CLIP2: variants seen among roughly 807,000 people sequenced by gnomAD.
CLIP2 encodes the protein CAP-Gly domain containing linker protein 2, also known as CAP-Gly domain-containing linker protein 2.
In CLIP2, 41 loss-of-function variants were observed where a neutral mutation model predicts 111.7. The observed-to-expected ratio is 0.37, with a 90% confidence interval of 0.29 to 0.48. CLIP2 has a LOEUF of 0.48. Ranked by LOEUF, CLIP2 falls within the 20% of genes least tolerant of loss-of-function variation. The probability of loss-of-function intolerance (pLI) is 0.99; values close to 1 mark genes in which losing one functional copy is unlikely to be tolerated. For synonymous variants in CLIP2, 660 were observed against 644.2 expected (o/e 1.02, Z -0.37); for missense variants, 1,160 against 1,422.1 (o/e 0.82, Z 2.96).
intron 10 of CLIP2, among the ~76,000 whole-genome samples, chr7:74,379,108 C>T (rs1030788534): frequency 1.3e-5 from 2 of 152,136 alleles, no homozygotes; most frequent in Non-Finnish European, 2.9e-5. Flanking sequence ...AGGATGCCTC[C>T]CCCAGTCCCT....
At chr7:74,362,976 A>G (rs1317813749) in intron 7 of CLIP2, among the ~76,000 whole-genome samples, 8 of 150,470 alleles carry the variant, frequency 5.3e-5, no homozygotes, top group Non-Finnish European at 1.0e-4. Flanking sequence ...GAGAGCTGTT[A>G]GGAGGCCCTA....
At position 74,353,875 on chromosome 7, in the gene CLIP2, G is replaced by A. The variant is rs781909058; in HGVS notation, c.679-5G>A. The A allele has an allele frequency of 4.8e-5, 77 of 1,614,022 alleles. No homozygotes were observed. Among genetic ancestry groups the A allele is most frequent in the Non-Finnish European group, 6.4e-5 (76 of 1,180,010 alleles). ...CTAGACCTGAGTCTCCCTGTGTGCC[G>A]ACAGGTTGGCGGGACGAAGACTGGC... On this transcript the variant is annotated splice_polypyrimidine_tract_variant and splice_region_variant and intron_variant, in intron 3 of 16. Coordinates refer to ENST00000223398, the MANE Select transcript of CLIP2 (RefSeq NM_003388.5).
intron 2 of CLIP2, among the ~76,000 whole-genome samples, chr7:74,327,470 C>A (rs1554730785): frequency 6.6e-6 from 1 of 152,204 alleles, no homozygotes; most frequent in East Asian, 1.9e-4. Context: ...ACCTTGGCAC[C>A]AACCTGAAGT....
chr7:74,400,316 C>T, intron 14 of CLIP2, 54 bp from the exon 15 acceptor site: 1 of 1,448,928 alleles, frequency 6.9e-7, no homozygotes, highest in Non-Finnish European at 9.4e-7. Context: ...TTGAGACGCC[C>T]ACCAACACAC....
chr7:74,388,068 G>A (rs1346017788), intron 12 of CLIP2, among the ~76,000 whole-genome samples: 1 of 152,012 alleles, frequency 6.6e-6, no homozygotes, highest in East Asian at 1.9e-4. Context: ...GGTGGCTCAT[G>A]CCTGTAATCC....
At position 74,317,554 on chromosome 7, in the gene CLIP2, A is replaced by G; in HGVS notation, c.8A>G (p.Lys3Arg). 6.9e-7 allele frequency: 1 copy of G among 1,439,356 alleles called. No individual in the cohort carries two copies. The highest frequency in any genetic ancestry group is 9.2e-7 in the Non-Finnish European group (1 of 1,088,142). 89.2% of individuals were successfully genotyped at this position (1,439,356 alleles called of 1,614,324 possible). Reference protein sequence around the residue: MQKPSGLKPPGRG... With the variant: MQRPSGLKPPGRG... The stretch of plus-strand genomic sequence containing the variant: ...CTGCCCAGTGGCACCGCCATGCAGA[A>G]GCCCAGCGGCCTGAAGCCCCCCGGC... The change falls in exon 2 of 17, where the codon AAG becomes AGG. Residue 3 changes from lysine (K) to arginine (R), a missense_variant. Coordinates refer to ENST00000223398, the MANE Select transcript of CLIP2 (RefSeq NM_003388.5).
In CLIP2 at chr7:74,370,051, G is replaced by A. The variant is rs533017406; in HGVS notation, c.1381-2881G>A. Among the ~76,000 whole-genome samples, 685 of 75,618 alleles carry A rather than the reference G, an allele frequency of 9.1e-3. 12 individuals are homozygous for A. Among genetic ancestry groups the A allele is most frequent in the African/African-American group, 0.024 (654 of 26,820 alleles). 49.6% of individuals were successfully genotyped at this position (75,618 alleles called of 152,430 possible). ...TGCTTGCCTGTAATTCCAGCTACTC[G>A]GAAGGCTGAGGCAGGAGAATCGCTT... On this transcript the variant is annotated intron_variant, in intron 8 of 16. Transcript: ENST00000223398.
chr7:74,357,003 A>G (rs984084334), intron 5 of CLIP2, among the ~76,000 whole-genome samples: 1 of 152,076 alleles, frequency 6.6e-6, no homozygotes, highest in African/African-American at 2.4e-5. Context: ...TTTCCCAGGA[A>G]AAAGTGGCCA....
rs1562707491 is a variant in CLIP2, at chr7:74,357,381, T to A, written c.1119T>A (p.Ala373=). The A allele has an allele frequency of 6.2e-7, 1 of 1,614,048 alleles. No individual in the cohort carries two copies. The highest frequency in any genetic ancestry group is 1.3e-5 in the African/African-American group (1 of 75,054). ...EKQQHIEQLL[A]ERDLERAEVA... ...AGCAGCACATTGAGCAGCTGCTGGC[T>A]GAACGAGACCTGGAACGGGCTGAGG... Residue 373 remains alanine (A), a synonymous_variant, in exon 6 of 17, where the codon GCT becomes GCA. Transcript: ENST00000223398.
chr7:74,354,442 C>T (rs1189808667), intron 4 of CLIP2, among the ~76,000 whole-genome samples: 2 of 151,978 alleles, frequency 1.3e-5, no homozygotes, highest in African/African-American at 4.8e-5. Flanking sequence ...GGTGAAACCC[C>T]GTCTCTACTA....
intron 13 of CLIP2, among the ~76,000 whole-genome samples, chr7:74,393,961 T>G (rs1791367098): frequency 6.6e-6 from 1 of 152,096 alleles, no homozygotes. Flanking sequence ...AGTGGAAAAG[T>G]TATTATTGGT....
At chr7:74,309,713 C>T (rs549915993) in intron 1 of CLIP2, among the ~76,000 whole-genome samples, 1 of 151,574 alleles carries the variant, frequency 6.6e-6, no homozygotes, top group African/African-American at 2.4e-5. Flanking sequence ...CAAAAATTAG[C>T]CGGGCGTGGT....
intron 1 of CLIP2, among the ~76,000 whole-genome samples, chr7:74,310,036 C>CAAAAAAAAAAAAAAAA (rs71094774): frequency 2.5e-4 from 23 of 92,488 alleles, no homozygotes; most frequent in African/African-American, 6.2e-4. Flanking sequence ...CCTGTCTCTA[C>CAAAAAAAAAAAAAAAA]AAAAAAAAAA....
intron 1 of CLIP2, among the ~76,000 whole-genome samples, chr7:74,307,966 G>T (rs1202675449): frequency 6.6e-6 from 1 of 152,208 alleles, no homozygotes; most frequent in Non-Finnish European, 1.5e-5. Context: ...CATGGCTCAG[G>T]CTGGGTTCCC....
At chr7:74,370,847 C>G (rs1027188987) in intron 8 of CLIP2, among the ~76,000 whole-genome samples, 2 of 151,992 alleles carry the variant, frequency 1.3e-5, no homozygotes, top group African/African-American at 4.8e-5. Context: ...CACGTTCATT[C>G]CAGTTACTCT....
chr7:74,307,466 G>GC (rs1554727949), intron 1 of CLIP2, among the ~76,000 whole-genome samples: 4 of 152,170 alleles, frequency 2.6e-5, no homozygotes, highest in Non-Finnish European at 5.9e-5. Context: ...TTCGTGCAAT[G>GC]CCTGGTAGAC....
At chr7:74,355,748 CTTTT>C (rs1370515777) in intron 4 of CLIP2, among the ~76,000 whole-genome samples, 1 of 152,226 alleles carries the variant, frequency 6.6e-6, no homozygotes, top group Non-Finnish European at 1.5e-5. Context: ...ATGAATGTTT[CTTTT>C]GACTCACTTT....
In CLIP2 at chr7:74,375,858, C is replaced by G. The variant is rs200761906; in HGVS notation, c.1486-29C>G. The G allele has an allele frequency of 1.1e-5, 16 of 1,474,332 alleles. No individual in the cohort carries two copies. The African/African-American group carries it at 1.8e-4, about 17-fold the overall frequency. 91.3% of individuals were successfully genotyped at this position (1,474,332 alleles called of 1,614,324 possible). The stretch of plus-strand genomic sequence containing the variant: ...ACCTTCCAGCCAGCCAGCCAGCCCG[C>G]TGATCCCTGTCTCCCTCTCTCCCCA... On this transcript the variant is annotated intron_variant, in intron 9 of 16. Coordinates refer to ENST00000223398, the MANE Select transcript of CLIP2 (RefSeq NM_003388.5).
chr7:74,400,346 C>T, intron 14 of CLIP2, 24 bp from the exon 15 acceptor site: 3 of 1,585,986 alleles, frequency 1.9e-6, no homozygotes, highest in Non-Finnish European at 2.6e-6. Context: ...CTCATGTACT[C>T]TTCCACTCTC....
Sources: gnomAD v4.1 joint callset for allele counts (sites outside exome capture counted in the v4.1 genomes callset) on GRCh38, gnomAD v4.1.1 for gene constraint, MANE v1.5 for transcripts, NCBI Gene and HGNC (gene_info 2026-07-23, HGNC 2026-07-21) for gene names.